Variants in ARHGEF33 observed in about 807,000 individuals in gnomAD.
The protein encoded by ARHGEF33 is Rho guanine nucleotide exchange factor 33, also known as DH and coiled-coil domain-containing protein ENSP00000381780.
A neutral mutation model predicts 101.9 loss-of-function variants in ARHGEF33; 72 were observed. The ratio of observed to expected loss-of-function variants is 0.71; its 90% confidence interval spans 0.58 to 0.86. The LOEUF (loss-of-function observed/expected upper bound fraction) is 0.86, where lower values mean the gene tolerates loss of function less well. ARHGEF33 is among the 40% of genes least tolerant of loss of function. The pLI, the probability that ARHGEF33 is intolerant of heterozygous loss-of-function variation, is 0.00. For synonymous variants in ARHGEF33, 499 were observed against 442.5 expected (o/e 1.13, Z -1.60); for missense variants, 1,169 against 1,111.3 (o/e 1.05, Z -0.74).
chr2:38,920,821 G>A lies in ARHGEF33; in HGVS notation c.26-553G>A, dbSNP rs571101911. 6.6e-5 allele frequency among the ~76,000 whole-genome samples: 10 copies of A among 152,210 alleles called. No homozygotes were observed. In the East Asian group the frequency reaches 1.5e-3, roughly 23 times the overall value. ...CCTGCATCCTTCCCAGAACCTTTCC[G>A]TTGACAATTCCTTTTATCAGCCCTG... On this transcript the variant is annotated intron_variant, in intron 3 of 17. Coordinates refer to ENST00000409978, the MANE Select transcript of ARHGEF33 (RefSeq NM_001145451.5).
chr2:38,904,142 G>C (rs13035182), intron 2 of ARHGEF33, among the ~76,000 whole-genome samples: 37,434 of 152,178 alleles, frequency 0.25, 4,882 homozygotes, highest in Admixed American at 0.3. Context: ...TTCCAAGAAA[G>C]GAAGGATAAT....
chr2:38,944,876 G>GGTGTGTGTGTGTGT (rs397942466), intron 10 of ARHGEF33, among the ~76,000 whole-genome samples: 26 of 145,742 alleles, frequency 1.8e-4, no homozygotes, highest in African/African-American at 5.6e-4. Flanking sequence ...GTAATGCATG[G>GGTGTGTGTGTGTGT]GTGTGTGTGT....
At chr2:38,932,040 C>T (rs557245551) in intron 7 of ARHGEF33, among the ~76,000 whole-genome samples, 3 of 152,290 alleles carry the variant, frequency 2.0e-5, no homozygotes, top group Non-Finnish European at 4.4e-5. Context: ...AATGTGTATT[C>T]TGAATAACTG....
intron 6 of ARHGEF33, 56 bp downstream of exon 6, chr2:38,929,886 G>C (rs976785208): frequency 6.7e-7 from 1 of 1,494,878 alleles, no homozygotes; most frequent in East Asian, 2.5e-5. Context: ...GGCTTCTGCA[G>C]AGGCACCTGG....
At chr2:38,899,635 T>C (rs1666199393) in intron 2 of ARHGEF33, among the ~76,000 whole-genome samples, 1 of 152,128 alleles carries the variant, frequency 6.6e-6, no homozygotes, top group South Asian at 2.1e-4. Flanking sequence ...TTTTGAGATC[T>C]ATTGCATAAC....
rs1668041217 is a variant in ARHGEF33 at position 38,965,941 on chromosome 2, C to T, written c.2344-65C>T. 5 of 1,528,496 alleles carry T rather than the reference C, an allele frequency of 3.3e-6. No individual in the cohort carries two copies. The East Asian group carries it at 1.2e-4, about 38-fold the overall frequency. 94.7% of individuals were successfully genotyped at this position (1,528,496 alleles called of 1,614,324 possible). ...AAGTCACAACACCACAAAATTGTCC[C>T]ATAGTCAGGATCCATAATAACATTG... On this transcript the variant is annotated intron_variant, in intron 16 of 17. Transcript: ENST00000409978.
chr2:38,907,648 C>T (rs1327365002), intron 2 of ARHGEF33, among the ~76,000 whole-genome samples: 1 of 152,128 alleles, frequency 6.6e-6, no homozygotes, highest in Non-Finnish European at 1.5e-5. Flanking sequence ...AAATCAGGGC[C>T]ATCTCTAGGA....
chr2:38,936,847 A>G (rs1414708380), intron 8 of ARHGEF33: 8 of 151,218 alleles, frequency 5.3e-5, no homozygotes, highest in Non-Finnish European at 1.0e-4. Context: ...GTGGTGGCAC[A>G]CACCTGTAAT....
chr2:38,955,256 A>G (rs1197727999), intron 13 of ARHGEF33, among the ~76,000 whole-genome samples: 2 of 152,164 alleles, frequency 1.3e-5, no homozygotes, highest in African/African-American at 2.4e-5. Context: ...TGATGTCTTC[A>G]CACCAATTTC....
rs558914305 is a variant in ARHGEF33, at chr2:38,941,975, G to T, written c.791-1926G>T. Among the ~76,000 whole-genome samples, 4 of 150,458 alleles carry T rather than the reference G, an allele frequency of 2.7e-5. No individual in the cohort carries two copies. The South Asian group carries it at 8.4e-4, about 32-fold the overall frequency. On this transcript the variant is annotated intron_variant, in intron 9 of 17. Transcript: ENST00000409978. ...TTTATTAATTTTGCTGGGCACAAGGGTCCTTTTCTCTGGAAATACATGTCT... is the reference window on the plus strand; with the variant it reads ...TTTATTAATTTTGCTGGGCACAAGGTTCCTTTTCTCTGGAAATACATGTCT...
intron 9 of ARHGEF33, among the ~76,000 whole-genome samples, chr2:38,942,355 T>C (rs1189892173): frequency 1.3e-5 from 2 of 151,680 alleles, no homozygotes; most frequent in African/African-American, 2.4e-5. Context: ...TTAGTAGAGA[T>C]GGGGTTTCAC....
chr2:38,949,289 C>T (rs1667532063), intron 10 of ARHGEF33, among the ~76,000 whole-genome samples: 1 of 152,214 alleles, frequency 6.6e-6, no homozygotes, highest in Non-Finnish European at 1.5e-5. Flanking sequence ...ACCAGACCAT[C>T]TCTTTTCTGT....
Position 38,964,457 on chromosome 2 carries a change from C to G in ARHGEF33, c.2344-1549C>G, listed in dbSNP as rs1668010230. On this transcript the variant is annotated intron_variant, in intron 16 of 17. Coordinates refer to ENST00000409978, the MANE Select transcript of ARHGEF33 (RefSeq NM_001145451.5). ...GTCTCTGTGCAGTCTAACCTCTCTG[C>G]TAATGTTAATCTGTATTTGCAGCCA... Among the ~76,000 whole-genome samples, 4 of 151,816 alleles carry G rather than the reference C, an allele frequency of 2.6e-5. No homozygotes were observed. The Middle Eastern group carries it at 0.01, about 387-fold the overall frequency.
intron 1 of ARHGEF33, among the ~76,000 whole-genome samples, chr2:38,895,454 A>T (rs1666098846): frequency 6.6e-6 from 1 of 152,226 alleles, no homozygotes; most frequent in Admixed American, 6.5e-5. Context: ...CTTCTGATTC[A>T]GCAAAGCCCC....
At chr2:38,942,161 TTTC>T (rs1285655510) in intron 9 of ARHGEF33, among the ~76,000 whole-genome samples, 10 of 139,404 alleles carry the variant, frequency 7.2e-5, no homozygotes, top group Non-Finnish European at 1.5e-4. Context: ...ACATCTCTCC[TTTC>T]TTTTTTTTTT....
chr2:38,950,816 C>T (rs758522243), intron 10 of ARHGEF33, among the ~76,000 whole-genome samples, 173 bp from the exon 11 acceptor site: 1 of 152,044 alleles, frequency 6.6e-6, no homozygotes, highest in Non-Finnish European at 1.5e-5. Context: ...TTTCTGTAGT[C>T]GGGATATCTG....
intron 9 of ARHGEF33, among the ~76,000 whole-genome samples, chr2:38,943,371 G>C (rs1667361473): frequency 6.6e-6 from 1 of 152,188 alleles, no homozygotes; most frequent in Non-Finnish European, 1.5e-5. Flanking sequence ...GAAGAAGGCT[G>C]AGGGAAGTCT....
chr2:38,972,634 G>C (rs996147990), intron 17 of ARHGEF33, among the ~76,000 whole-genome samples: 1 of 152,172 alleles, frequency 6.6e-6, no homozygotes, highest in South Asian at 2.1e-4. Context: ...TTTGAATAAT[G>C]TAAAGAGATG....
At chr2:38,930,200 C>T (rs746765877) in intron 6 of ARHGEF33, among the ~76,000 whole-genome samples, 3 of 152,082 alleles carry the variant, frequency 2.0e-5, no homozygotes, top group Non-Finnish European at 2.9e-5. Context: ...TCTAAAATGT[C>T]TCTAATGCGA....
Sources: allele counts gnomAD v4.1 joint callset (sites outside exome capture counted in the v4.1 genomes callset), GRCh38; gene constraint gnomAD v4.1.1; transcripts MANE v1.5; gene names NCBI Gene and HGNC (gene_info 2026-07-23, HGNC 2026-07-21).